The following NAV3 variants were observed in gnomAD, a reference collection of about 807,000 sequenced individuals.
The protein encoded by NAV3 is pore membrane and/or filament interacting like protein 1.
NAV3 carries 87 observed loss-of-function variants against 244.7 expected under a neutral mutation model. The observed-to-expected ratio is 0.36, with a 90% CI of 0.30 to 0.42. The LOEUF is 0.42. NAV3 is among the 20% of genes least tolerant of loss of function. The probability of loss-of-function intolerance (pLI) is 1.00; values close to 1 mark genes in which losing one functional copy is unlikely to be tolerated. For missense variants in NAV3, 2,663 were observed against 2,893.3 expected (o/e 0.92, Z 1.83); for synonymous variants, 1,126 against 1,042.2 (o/e 1.08, Z -1.55).
intron 2 of NAV3, among the ~76,000 whole-genome samples, chr12:77,654,595 G>A (rs1160502344): frequency 2.0e-5 from 3 of 152,232 alleles, no homozygotes; most frequent in East Asian, 3.9e-4. Flanking sequence ...CAGCTTTGAG[G>A]AGAGCAGTGG....
intron 19 of NAV3, among the ~76,000 whole-genome samples, chr12:78,139,881 T>C (rs1230631184): frequency 6.6e-6 from 1 of 152,154 alleles, no homozygotes; most frequent in Non-Finnish European, 1.5e-5. Flanking sequence ...AATCTGAAAG[T>C]GGACCTTTGT....
chr12:77,917,864 C>G (rs1196990082), intron 1 of NAV3, among the ~76,000 whole-genome samples: 1 of 151,998 alleles, frequency 6.6e-6, no homozygotes, highest in Non-Finnish European at 1.5e-5. Flanking sequence ...TTTCTATATT[C>G]TTGACTAGAC....
rs576625924 is a variant in NAV3, at chr12:78,021,768, T to C, written c.1929T>C (p.Gly643=). 4 of 1,608,540 alleles carry C rather than the reference T, an allele frequency of 2.5e-6. No individual in the cohort carries two copies. The highest frequency in any genetic ancestry group is 3.4e-6 in the Non-Finnish European group (4 of 1,176,790). The change falls in exon 9 of 40, where the codon GGT becomes GGC. Residue 643 remains glycine, a synonymous_variant. Transcript: ENST00000397909. ...FIYRAHSENE[G]TALPSADSCT... ...TCAGGGCACATTCAGAAAATGAAGG[T>C]ACCGCTTTACCATCGGCTGACTCCT... is the stretch of plus-strand genomic sequence containing the variant.
intron 20 of NAV3, among the ~76,000 whole-genome samples, chr12:78,144,135 A>AT (rs966981339): frequency 1.3e-5 from 2 of 152,210 alleles, no homozygotes; most frequent in Admixed American, 1.3e-4. Context: ...ATTAAAAACT[A>AT]TATTTAACCT....
chr12:77,708,537 G>A (rs1239758710), intron 2 of NAV3, among the ~76,000 whole-genome samples: 1 of 152,158 alleles, frequency 6.6e-6, no homozygotes, highest in African/African-American at 2.4e-5. Flanking sequence ...TCTTGGCAAT[G>A]TGGGCTCTTT....
chr12:77,926,800 CT>C (rs1320620327), intron 1 of NAV3, among the ~76,000 whole-genome samples: 24 of 152,128 alleles, frequency 1.6e-4, no homozygotes, highest in African/African-American at 5.8e-4. Flanking sequence ...GGTCAAGAAC[CT>C]GCATTTTGAG....
chr12:78,204,344 T>C (rs905216753), intron 38 of NAV3, among the ~76,000 whole-genome samples: 3 of 151,996 alleles, frequency 2.0e-5, no homozygotes, highest in African/African-American at 7.2e-5. Flanking sequence ...ACCCTAAAAC[T>C]TAAGGTATAA....
In NAV3 at chr12:77,927,476, C is replaced by T. The variant is rs112757437; in HGVS notation, c.244-12843C>T. Among the ~76,000 whole-genome samples, 1,073 of 152,274 alleles carry T rather than the reference C, an allele frequency of 7.0e-3. 10 individuals are homozygous for T. The highest frequency in any genetic ancestry group is 0.043 in the South Asian group (206 of 4,824). On this transcript the variant is annotated intron_variant, in intron 1 of 39. Coordinates refer to ENST00000397909, the MANE Select transcript of NAV3 (RefSeq NM_001024383.2). ...CTGTTGCCACCTTGGGAAAATACTTCACTTCTCTGTTTTAGAATCTTCATC... is the reference window on the plus strand; with the variant it reads ...CTGTTGCCACCTTGGGAAAATACTTTACTTCTCTGTTTTAGAATCTTCATC...
chr12:77,613,620 G>C (rs949442667), intron 2 of NAV3, among the ~76,000 whole-genome samples: 1 of 152,104 alleles, frequency 6.6e-6, no homozygotes, highest in African/African-American at 2.4e-5. Flanking sequence ...TATTCTTCTA[G>C]CACTCCTGCC....
intron 12 of NAV3, among the ~76,000 whole-genome samples, chr12:78,097,681 T>C (rs1039020114): frequency 2.0e-5 from 3 of 152,196 alleles, no homozygotes; most frequent in Non-Finnish European, 4.4e-5. Context: ...ATATTTTCCT[T>C]TTAAATATAA....
chr12:77,788,293 C>T (rs570266537), intron 2 of NAV3, among the ~76,000 whole-genome samples: 54 of 152,282 alleles, frequency 3.5e-4, no homozygotes, highest in African/African-American at 1.3e-3. Flanking sequence ...AATTAGAGAT[C>T]CTGAATGCAG....
chr12:77,934,587 C>T (rs934160550), intron 1 of NAV3, among the ~76,000 whole-genome samples: 12 of 152,118 alleles, frequency 7.9e-5, no homozygotes, highest in Non-Finnish European at 1.3e-4. Flanking sequence ...GGGAAAAACA[C>T]TTACTTCACT....
chr12:77,617,191 AAATGTG>A (rs1565738597), intron 2 of NAV3, among the ~76,000 whole-genome samples: 1 of 152,146 alleles, frequency 6.6e-6, no homozygotes, highest in Non-Finnish European at 1.5e-5. Flanking sequence ...TAAATTATTG[AAATGTG>A]AATTTTGATA....
intron 12 of NAV3, among the ~76,000 whole-genome samples, chr12:78,063,886 G>A (rs1884638576): frequency 6.6e-6 from 1 of 152,138 alleles, no homozygotes; most frequent in African/African-American, 2.4e-5. Flanking sequence ...GAGAGACAAA[G>A]GACCTGGGGG....
At chr12:78,051,889 T>A (rs1441495071) in intron 11 of NAV3, among the ~76,000 whole-genome samples, 2 of 152,208 alleles carry the variant, frequency 1.3e-5, no homozygotes, top group Non-Finnish European at 2.9e-5. Context: ...TACTTTTCCT[T>A]CCCACCACCA....
chr12:78,103,117 G>T (rs554991829), intron 12 of NAV3, among the ~76,000 whole-genome samples: 6 of 152,204 alleles, frequency 3.9e-5, no homozygotes, highest in African/African-American at 1.4e-4. Flanking sequence ...CAAATTTTCT[G>T]AACTTTTATG....
At chr12:77,711,939 C>G (rs1876137589) in intron 2 of NAV3, among the ~76,000 whole-genome samples, 1 of 152,276 alleles carries the variant, frequency 6.6e-6, no homozygotes, top group East Asian at 1.9e-4. Flanking sequence ...CCCTCTACTT[C>G]CAATGAACTC....
intron 1 of NAV3, among the ~76,000 whole-genome samples, chr12:77,914,370 T>C (rs1886919258): frequency 6.6e-6 from 1 of 152,118 alleles, no homozygotes; most frequent in African/African-American, 2.4e-5. Flanking sequence ...TTTATACTGC[T>C]TGTGCTTCAG....
At chr12:77,714,638 G>A (rs914826657) in intron 2 of NAV3, among the ~76,000 whole-genome samples, 4 of 152,074 alleles carry the variant, frequency 2.6e-5, no homozygotes, top group Non-Finnish European at 1.5e-5. Context: ...GACTTCATAC[G>A]ATTTACCTAC....
Sources: gnomAD v4.1 joint callset for allele counts (sites outside exome capture counted in the v4.1 genomes callset) on GRCh38, gnomAD v4.1.1 for gene constraint, MANE v1.5 for transcripts, NCBI Gene and HGNC (gene_info 2026-07-23, HGNC 2026-07-21) for gene names.